The following PCDHGA7 variants were observed in gnomAD, a reference collection of about 807,000 sequenced individuals.
PCDHGA7 encodes the protein protocadherin gamma-A7.
Under a neutral mutation model 58.3 loss-of-function variants are expected in PCDHGA7, and 44 were observed. The ratio of observed to expected loss-of-function variants is 0.75; its 90% CI spans 0.59 to 0.97. The LOEUF is 0.97. Among genes scored for constraint, PCDHGA7 ranks in the 50% least tolerant of loss-of-function variants. The probability of loss-of-function intolerance (pLI) is 0.00; values close to 1 mark genes in which losing one functional copy is unlikely to be tolerated. For synonymous variants in PCDHGA7, 516 were observed against 504.2 expected (o/e 1.02, Z -0.31); for missense variants, 1,266 against 1,188.7 (o/e 1.06, Z -0.96).
chr5:141,481,183 G>A (rs2099533234), intron 1 of PCDHGA7, among the ~76,000 whole-genome samples: 1 of 152,146 alleles, frequency 6.6e-6, no homozygotes, highest in African/African-American at 2.4e-5. Flanking sequence ...GCTTTATTGG[G>A]CCAGGCCCAA....
chr5:141,421,997 G>A, intron 1 of PCDHGA7: 1 of 1,609,178 alleles, frequency 6.2e-7, no homozygotes. Flanking sequence ...GAAAACATCA[G>A]CTCCGGAACT....
chr5:141,460,128 T>C (rs10051366), intron 1 of PCDHGA7, among the ~76,000 whole-genome samples: 42,386 of 151,808 alleles, frequency 0.28, 6,635 homozygotes, highest in African/African-American at 0.43. Context: ...ATATGTAATA[T>C]ATATATTCTT....
rs1399250599 is a variant in PCDHGA7, at chr5:141,476,902, C to A, written c.2425-17905C>A. On this transcript the variant is annotated intron_variant, in intron 1 of 3. Coordinates refer to ENST00000518325, the MANE Select transcript of PCDHGA7 (RefSeq NM_018920.4). The surrounding 1 kb of genome is among the most constrained non-coding windows in gnomAD (Gnocchi z 7.6). ...TGGAGGATGCACCCTCCGGCACGCG[C>A]GTGGTACAAGTCCTTGCAACGGATC... 5 of 1,613,880 alleles carry A rather than the reference C, an allele frequency of 3.1e-6. No individual in the cohort carries two copies. Among genetic ancestry groups the A allele is most frequent in the South Asian group, 1.1e-5 (1 of 91,090 alleles).
At chr5:141,438,763 G>C (rs537316602) in intron 1 of PCDHGA7, among the ~76,000 whole-genome samples, 1 of 149,962 alleles carries the variant, frequency 6.7e-6, no homozygotes, top group South Asian at 2.1e-4. Context: ...CTGGGTTCAA[G>C]CGATTCTCCT....
chr5:141,397,571 A>G (rs1205930640), intron 1 of PCDHGA7, among the ~76,000 whole-genome samples: 1 of 152,224 alleles, frequency 6.6e-6, no homozygotes, highest in East Asian at 1.9e-4. Flanking sequence ...GAGAGCAAGA[A>G]CTGTATCATA....
At chr5:141,497,478 C>A (rs974494984) in intron 2 of PCDHGA7, among the ~76,000 whole-genome samples, 1 of 150,954 alleles carries the variant, frequency 6.6e-6, no homozygotes, top group African/African-American at 2.4e-5. Flanking sequence ...GGAGAAGGTG[C>A]GGAACCTCTC....
rs2099427993 is a variant in PCDHGA7, at chr5:141,477,978, T to C, written c.2425-16829T>C. Reference sequence around the variant, plus strand: ...TCCCCTAACCAGAGCCTTTTTGCCATAGGGCTGCACACTGGTCAAATCAGT... The same window carrying C: ...TCCCCTAACCAGAGCCTTTTTGCCACAGGGCTGCACACTGGTCAAATCAGT... On this transcript the variant is annotated intron_variant, in intron 1 of 3. Coordinates refer to ENST00000518325, the MANE Select transcript of PCDHGA7 (RefSeq NM_018920.4). This position sits in a 1 kb window ranked among gnomAD's most constrained non-coding sequence, Gnocchi z 4.9. 6.2e-7 allele frequency: 1 copy of C among 1,614,120 alleles called. No individual in the cohort carries two copies. Among genetic ancestry groups the C allele is most frequent in the Non-Finnish European group, 8.5e-7 (1 of 1,180,022 alleles).
intron 1 of PCDHGA7, chr5:141,398,744 G>A: frequency 1.9e-6 from 3 of 1,613,854 alleles, no homozygotes; most frequent in Non-Finnish European, 2.5e-6. Context: ...GAACAACAGA[G>A]TTACCATCGT....
chr5:141,450,491 G>C (rs1264524088), intron 1 of PCDHGA7, among the ~76,000 whole-genome samples: 1 of 151,896 alleles, frequency 6.6e-6, no homozygotes, highest in Non-Finnish European at 1.5e-5. Context: ...TTGTTTGTCT[G>C]TTTGTTTGTT....
chr5:141,439,117 C>T (rs1219829519), intron 1 of PCDHGA7, among the ~76,000 whole-genome samples: 6 of 150,696 alleles, frequency 4.0e-5, no homozygotes, highest in African/African-American at 7.3e-5. Context: ...CACTTGAACC[C>T]GGGAGACAGA....
chr5:141,399,465 G>A, intron 1 of PCDHGA7: 1 of 1,614,014 alleles, frequency 6.2e-7, no homozygotes, highest in Non-Finnish European at 8.5e-7. Context: ...ATAACGCTCC[G>A]GTTTTCCACC....
chr5:141,403,315 A>C, intron 1 of PCDHGA7: 1 of 1,613,974 alleles, frequency 6.2e-7, no homozygotes, highest in African/African-American at 1.3e-5. Flanking sequence ...GAATAGAAAT[A>C]GAAGTAACTG....
rs370503146 is a variant in PCDHGA7 at position 141,511,012 on chromosome 5, G to A, written c.2638G>A (p.Gly880Arg). 11 of 1,614,060 alleles carry A rather than the reference G, an allele frequency of 6.8e-6. No individual in the cohort carries two copies. Among genetic ancestry groups the A allele is most frequent in the Middle Eastern group, 1.6e-4 (1 of 6,084 alleles). ...AGTMGLSARYGPQFTLQHVPD... is the reference protein window; with the variant it reads ...AGTMGLSARYRPQFTLQHVPD... The stretch of plus-strand genomic sequence containing the variant: ...CACCATGGGATTGAGCGCCCGCTAC[G>A]GACCCCAGTTCACCCTGCAGCACGT... The change falls in exon 4 of 4, where the codon GGA (glycine) becomes AGA (arginine). Residue 880 changes from glycine (G) to arginine (R), a missense_variant. Transcript: ENST00000518325.
At position 141,431,294 on chromosome 5, in the gene PCDHGA7, T is replaced by C; in HGVS notation, c.2424+45971T>C. 1.9e-6 allele frequency: 3 copies of C among 1,614,096 alleles called. No individual in the cohort carries two copies. Among genetic ancestry groups the C allele is most frequent in the Non-Finnish European group, 2.5e-6 (3 of 1,180,026 alleles). ...CGAGCTCAGCCCGAACACTCACTTC[T>C]CCCTCATCGTGCAAAATGGAGCCGA... On this transcript the variant is annotated intron_variant, in intron 1 of 3. Transcript: ENST00000518325. The surrounding 1 kb of genome is among the most constrained non-coding windows in gnomAD (Gnocchi z 4.8).
chr5:141,441,195 A>C (rs1160365905), intron 1 of PCDHGA7: 1 of 152,224 alleles, frequency 6.6e-6, no homozygotes, highest in Non-Finnish European at 1.5e-5. Context: ...TGATTCCCAA[A>C]GATTCTGCAC....
intron 1 of PCDHGA7, chr5:141,478,169 G>A (rs2099436111): frequency 1.2e-6 from 2 of 1,613,716 alleles, no homozygotes; most frequent in Admixed American, 1.7e-5. Flanking sequence ...TGCCCCCCGG[G>A]AGCAGAAAAA....
intron 1 of PCDHGA7, among the ~76,000 whole-genome samples, chr5:141,483,652 G>A (rs746306843): frequency 2.0e-5 from 3 of 151,916 alleles, no homozygotes; most frequent in Non-Finnish European, 4.4e-5. Context: ...GTGTGTTTGT[G>A]TGTGTGTGTG....
At chr5:141,412,814 C>CAT (rs1339609844) in intron 1 of PCDHGA7, among the ~76,000 whole-genome samples, 1 of 152,180 alleles carries the variant, frequency 6.6e-6, no homozygotes, top group Non-Finnish European at 1.5e-5. Context: ...AAGAAACCTA[C>CAT]ATATAGTAAA....
intron 1 of PCDHGA7, among the ~76,000 whole-genome samples, chr5:141,447,023 GT>G (rs5871773): frequency 0.034 from 5,146 of 151,536 alleles, 101 homozygotes; most frequent in Middle Eastern, 0.088. Flanking sequence ...GTTTTGTTTT[GT>G]TTTTTTTCTG....
Sources: allele counts gnomAD v4.1 joint callset (sites outside exome capture counted in the v4.1 genomes callset), GRCh38; gene constraint gnomAD v4.1.1; non-coding constraint Gnocchi (gnomAD v3.1); transcripts MANE v1.5; gene names NCBI Gene and HGNC (gene_info 2026-07-23, HGNC 2026-07-21).